KLHL3: variants seen among roughly 807,000 people sequenced by gnomAD.
KLHL3 encodes kelch-like protein 3.
In KLHL3, 19 loss-of-function variants were observed where a neutral mutation model predicts 70.5. That is an observed-to-expected ratio of 0.27 (90% CI 0.19 to 0.40). The LOEUF (loss-of-function observed/expected upper bound fraction) is 0.40, where lower values mean the gene tolerates loss of function less well. Ranked by LOEUF, KLHL3 falls within the 10% of genes least tolerant of loss-of-function variation. KLHL3 has a pLI of 1.00. For missense variants in KLHL3, 512 were observed against 771.1 expected (o/e 0.66, Z 3.98); for synonymous variants, 258 against 290.3 (o/e 0.89, Z 1.13).
At chr5:137,666,067 C>T (rs1043585141) in intron 6 of KLHL3, among the ~76,000 whole-genome samples, 8 of 152,170 alleles carry the variant, frequency 5.3e-5, no homozygotes, top group African/African-American at 9.7e-5. Context: ...ATTGTTTGAA[C>T]GACTATGTTT....
Position 137,658,332 on chromosome 5 carries a change from C to T in KLHL3, c.754-52G>A, listed in dbSNP as rs771213148. On this transcript the variant is annotated intron_variant, in intron 7 of 14. Transcript: ENST00000309755. ...CTGGAGCACAGCTCAGCCACATTTC[C>T]CAAGCTTTCACCCTGGGCTCAGTCA... The T allele has an allele frequency of 3.2e-6, 5 of 1,583,016 alleles. No homozygotes were observed. In the Admixed American group the frequency reaches 5.0e-5, roughly 16 times the overall value.
chr5:137,716,193 T>C (rs995236652), intron 2 of KLHL3, among the ~76,000 whole-genome samples: 3 of 152,036 alleles, frequency 2.0e-5, no homozygotes, highest in African/African-American at 4.8e-5. Flanking sequence ...CAATATAGTG[T>C]TAAGTTAGGT....
chr5:137,622,885 A>G (rs1750352793), intron 14 of KLHL3, among the ~76,000 whole-genome samples: 1 of 152,236 alleles, frequency 6.6e-6, no homozygotes, highest in African/African-American at 2.4e-5. Flanking sequence ...CCTCGACTAC[A>G]GCCACCAGCA....
At chr5:137,632,848 T>C (rs1363145476) in intron 12 of KLHL3, among the ~76,000 whole-genome samples, 1 of 152,108 alleles carries the variant, frequency 6.6e-6, no homozygotes, top group Non-Finnish European at 1.5e-5. Context: ...AGGCAAAGGA[T>C]ATACATACAG....
intron 1 of KLHL3, among the ~76,000 whole-genome samples, chr5:137,731,367 G>T (rs1174595740): frequency 6.6e-6 from 1 of 152,176 alleles, no homozygotes; most frequent in Non-Finnish European, 1.5e-5. Flanking sequence ...TCTAAGGTTG[G>T]GGGAGGACTA....
intron 13 of KLHL3, among the ~76,000 whole-genome samples, chr5:137,626,940 T>C (rs969218869): frequency 6.6e-6 from 1 of 151,868 alleles, no homozygotes; most frequent in Non-Finnish European, 1.5e-5. Context: ...GGAGGCAGAG[T>C]TGCAGAGCCA....
At chr5:137,651,149 G>A (rs1430622156) in intron 8 of KLHL3, among the ~76,000 whole-genome samples, 1 of 152,226 alleles carries the variant, frequency 6.6e-6, no homozygotes, top group South Asian at 2.1e-4. Flanking sequence ...AAGTCTCTAT[G>A]AGGTTATTTC....
intron 8 of KLHL3, among the ~76,000 whole-genome samples, chr5:137,646,747 T>G (rs1442420207): frequency 6.6e-6 from 1 of 152,212 alleles, no homozygotes; most frequent in Non-Finnish European, 1.5e-5. Context: ...TACTTAAGAT[T>G]AATATGCCTT....
At position 137,709,818 on chromosome 5, in the gene KLHL3, T is replaced by C. The variant is rs141882043; in HGVS notation, c.173A>G (p.Asp58Gly). 4.2e-5 allele frequency: 68 copies of C among 1,614,126 alleles called. No homozygotes were observed. In the African/African-American group the frequency reaches 7.9e-4, roughly 19 times the overall value. Residue 58 changes from aspartate to glycine, a missense_variant, in exon 3 of 15, where the codon GAT becomes GGT. Physicochemically the swap from Asp to Gly is moderately conservative, Grantham distance 94. Coordinates refer to ENST00000309755, the MANE Select transcript of KLHL3 (RefSeq NM_017415.3). ...CACACGGTGGGCTTCTATCTCGACA[T>C]CTTCTGCCACAATCATCACGTCACA... The part of the protein sequence containing the change: ...LLCDVMIVAE[D>G]VEIEAHRVVL...
chr5:137,717,769 T>C (rs1358857980), intron 2 of KLHL3, among the ~76,000 whole-genome samples: 1 of 151,834 alleles, frequency 6.6e-6, no homozygotes, highest in Non-Finnish European at 1.5e-5. Flanking sequence ...AAAGAAAAAT[T>C]AAAAGAAAAA....
At chr5:137,670,736 G>A (rs796658245) in intron 6 of KLHL3, among the ~76,000 whole-genome samples, 41 of 152,160 alleles carry the variant, frequency 2.7e-4, no homozygotes, top group African/African-American at 8.0e-4. Context: ...TTGCGAGGCT[G>A]AGGCAGGCGG....
In KLHL3 at chr5:137,664,793, G is replaced by A. The variant is rs112792577; in HGVS notation, c.637-2762C>T. Among the ~76,000 whole-genome samples, 35 of 152,094 alleles carry A rather than the reference G, an allele frequency of 2.3e-4. 2 individuals carry two copies. Among genetic ancestry groups the A allele is most frequent in the African/African-American group, 8.2e-4 (34 of 41,454 alleles). ...TAACCATGCCACTGCACTCCAGCCC[G>A]GGCAACACAGCAAGAGCCTATCTTT... On this transcript the variant is annotated intron_variant, in intron 6 of 14. Transcript: ENST00000309755.
intron 12 of KLHL3, chr5:137,629,536 C>T (rs1160868122): frequency 6.6e-6 from 1 of 152,270 alleles, no homozygotes; most frequent in Non-Finnish European, 1.5e-5. Flanking sequence ...AGGTTTCAGA[C>T]CCAAGAACCA....
At chr5:137,676,417 T>C (rs1014119896) in intron 6 of KLHL3, among the ~76,000 whole-genome samples, 2 of 152,136 alleles carry the variant, frequency 1.3e-5, no homozygotes, top group Non-Finnish European at 2.9e-5. Flanking sequence ...TCTCTGAAGA[T>C]ACAGAAAGGA....
At chr5:137,693,112 A>C (rs558564555) in intron 4 of KLHL3, among the ~76,000 whole-genome samples, 1 of 152,308 alleles carries the variant, frequency 6.6e-6, no homozygotes, top group African/African-American at 2.4e-5. Flanking sequence ...TGTGCCAGGC[A>C]CTAGTTTAGG....
At chr5:137,680,208 A>G (rs1751989040) in intron 5 of KLHL3, among the ~76,000 whole-genome samples, 1 of 152,200 alleles carries the variant, frequency 6.6e-6, no homozygotes, top group South Asian at 2.1e-4. Flanking sequence ...TCTATTTTGA[A>G]CAATTATTTG....
chr5:137,639,263 C>A lies in KLHL3; in HGVS notation c.1022-113G>T. Reference sequence around the variant, plus strand: ...ACAGGAAAAGTCGCCACCGAAGATACTTTAGGTATTTGGCAGTCATTATGG... The same window carrying A: ...ACAGGAAAAGTCGCCACCGAAGATAATTTAGGTATTTGGCAGTCATTATGG... On this transcript the variant is annotated intron_variant, in intron 9 of 14. Transcript: ENST00000309755. This position sits in a 1 kb window ranked among gnomAD's most constrained non-coding sequence, Gnocchi z 5.0. The A allele has an allele frequency of 2.1e-6, 2 of 958,822 alleles. No individual in the cohort carries two copies. The highest frequency in any genetic ancestry group is 3.2e-6 in the Non-Finnish European group (2 of 633,720). 59.4% of individuals were successfully genotyped at this position (958,822 alleles called of 1,614,324 possible). A position where few individuals can be genotyped will look rare whatever the true frequency, so the allele number is the denominator to read the frequency against.
At chr5:137,712,336 CAAATGGGA>C (rs1042401528) in intron 2 of KLHL3, among the ~76,000 whole-genome samples, 3 of 151,852 alleles carry the variant, frequency 2.0e-5, no homozygotes, top group Non-Finnish European at 4.4e-5. Flanking sequence ...AATTTTTGAA[CAAATGGGA>C]AAGAAACACA....
intron 7 of KLHL3, chr5:137,661,593 T>C (rs1751476777): frequency 4.7e-6 from 1 of 211,328 alleles, no homozygotes; most frequent in African/African-American, 2.3e-5. Context: ...TTGCATACTC[T>C]ACTCCTTTAG....
Sources: gnomAD v4.1 joint callset for allele counts (sites outside exome capture counted in the v4.1 genomes callset) on GRCh38, gnomAD v4.1.1 for gene constraint, Gnocchi (gnomAD v3.1) non-coding constraint, MANE v1.5 for transcripts, NCBI Gene and HGNC (gene_info 2026-07-23, HGNC 2026-07-21) for gene names.